The following ZNF462 variants were observed in gnomAD, a reference collection of about 807,000 sequenced individuals.
ZNF462 encodes zinc finger protein 462.
In ZNF462, 10 loss-of-function variants were observed where a neutral mutation model predicts 201.9. That is an observed-to-expected ratio of 0.05 (90% CI 0.03 to 0.08). The LOEUF (loss-of-function observed/expected upper bound fraction) is 0.08, where lower values mean the gene tolerates loss of function less well. Among genes scored for constraint, ZNF462 ranks in the 10% least tolerant of loss-of-function variants. ZNF462 has a pLI of 1.00. For synonymous variants in ZNF462, 1,227 were observed against 1,193.3 expected (o/e 1.03, Z -0.58); for missense variants, 2,523 against 3,168.3 (o/e 0.80, Z 4.89).
chr9:106,988,551 A>G (rs1409837116), intron 10 of ZNF462, among the ~76,000 whole-genome samples: 3 of 152,082 alleles, frequency 2.0e-5, no homozygotes, highest in Admixed American at 2.0e-4. Flanking sequence ...GAACTTTAGA[A>G]TTGTTCTTTC....
Position 106,972,888 on chromosome 9 carries a change from A to G in ZNF462, c.6695+616A>G, listed in dbSNP as rs1425535754. On this transcript the variant is annotated intron_variant, in intron 8 of 12. Coordinates refer to ENST00000277225, the MANE Select transcript of ZNF462 (RefSeq NM_021224.6). The surrounding 1 kb of genome is among the most constrained non-coding windows in gnomAD (Gnocchi z 4.8). ...AAGAATGGAATGCTTCCTATGATGT[A>G]ATCTAAGCTTCTGCATTTGAATCTC... Among the ~76,000 whole-genome samples, 1 of 152,216 alleles carries G rather than the reference A, an allele frequency of 6.6e-6. No individual in the cohort carries two copies. The highest frequency in any genetic ancestry group is 1.9e-4 in the East Asian group (1 of 5,188).
chr9:106,936,974 T>G (rs1031679905), intron 6 of ZNF462, among the ~76,000 whole-genome samples: 1 of 152,206 alleles, frequency 6.6e-6, no homozygotes, highest in Non-Finnish European at 1.5e-5. Flanking sequence ...TTGACATACC[T>G]TGGAACCTTG....
At chr9:106,864,084 CTCTCTCTCTCTCTCTCTCTCTCT>C (rs1564062599) in intron 1 of ZNF462, among the ~76,000 whole-genome samples, 2,217 of 138,590 alleles carry the variant, frequency 0.016, 109 homozygotes, top group Non-Finnish European at 0.025. Flanking sequence ...CTCTCTCTCT[CTCTCTCTCTCTCTCTCTCTCTCT>C]CTCCCTCTCC....
At chr9:106,863,907 C>T (rs552062495) in intron 1 of ZNF462, among the ~76,000 whole-genome samples, 2 of 152,146 alleles carry the variant, frequency 1.3e-5, no homozygotes, top group African/African-American at 4.8e-5. Flanking sequence ...TCCGTGCGAG[C>T]GGCCCCGACC....
intron 10 of ZNF462, among the ~76,000 whole-genome samples, chr9:106,992,468 T>C (rs1422317917): frequency 6.6e-6 from 1 of 152,116 alleles, no homozygotes; most frequent in Non-Finnish European, 1.5e-5. Flanking sequence ...ACTTGCCATC[T>C]GACCTATCCT....
intron 8 of ZNF462, among the ~76,000 whole-genome samples, chr9:106,973,017 A>G: frequency 6.6e-6 from 1 of 152,128 alleles, no homozygotes; most frequent in East Asian, 1.9e-4. Context: ...CTGTGTCCCT[A>G]TTTTGTTAAC....
intron 6 of ZNF462, among the ~76,000 whole-genome samples, chr9:106,937,671 A>G (rs1830688322): frequency 6.6e-6 from 1 of 152,118 alleles, no homozygotes; most frequent in South Asian, 2.1e-4. Flanking sequence ...CTCTGTAATT[A>G]TTTTTAATAG....
intron 1 of ZNF462, among the ~76,000 whole-genome samples, chr9:106,873,314 C>T (rs765277340): frequency 2.0e-5 from 3 of 152,042 alleles, no homozygotes; most frequent in Non-Finnish European, 2.9e-5. Context: ...AAAAGCAAGA[C>T]ACCATGTAGG....
At chr9:106,863,124 G>T, upstream of ZNF462, 1 of 398,810 alleles carries the variant, frequency 2.5e-6, no homozygotes, top group Non-Finnish European at 4.4e-6. Flanking sequence ...GAGAGAGAGA[G>T]AGGGAGAGAG....
chr9:106,898,655 A>AATTGG (rs1367298011), intron 1 of ZNF462, among the ~76,000 whole-genome samples: 1 of 152,052 alleles, frequency 6.6e-6, no homozygotes, highest in Non-Finnish European at 1.5e-5. Context: ...GATGAATACA[A>AATTGG]ATTGGTGGTG....
rs1829974604 is a variant in ZNF462 at position 107,012,450 on chromosome 9, T to C, written c.*1420T>C. 6.8e-6 allele frequency: 1 copy of C among 146,858 alleles called. No individual in the cohort carries two copies. The highest frequency in any genetic ancestry group is 1.5e-5 in the Non-Finnish European group (1 of 66,650). 9.1% of individuals were successfully genotyped at this position (146,858 alleles called of 1,614,324 possible). ...TACTTTCTTTCTTTCTTTTTTTTTT[T>C]TTTTTTTTTTTTTTAAATCTAGCTG... On this transcript the variant is annotated 3_prime_UTR_variant, in exon 13 of 13. Coordinates refer to ENST00000277225, the MANE Select transcript of ZNF462 (RefSeq NM_021224.6).
At position 106,932,148 on chromosome 9, in the gene ZNF462, T is replaced by C; in HGVS notation, c.6013-298T>C. ...GCTGGAGAGGCAGGGGAGGAAGCTT[T>C]GACAAGAAGTGCTGTTGAGTTTGGG... is the stretch of plus-strand genomic sequence containing the variant. On this transcript the variant is annotated intron_variant, in intron 4 of 12. Coordinates refer to ENST00000277225, the MANE Select transcript of ZNF462 (RefSeq NM_021224.6). This position sits in a 1 kb window ranked among gnomAD's most constrained non-coding sequence, Gnocchi z 6.8. The C allele has an allele frequency of 6.9e-7, 1 of 1,455,168 alleles. No individual in the cohort carries two copies. Among genetic ancestry groups the C allele is most frequent in the South Asian group, 1.4e-5 (1 of 71,920 alleles). The allele number at this position is 1,455,168 out of a possible 1,614,324, so 90.1% of individuals were successfully genotyped here. A position where few individuals can be genotyped will look rare whatever the true frequency, so the allele number is the denominator to read the frequency against.
intron 1 of ZNF462, among the ~76,000 whole-genome samples, chr9:106,899,585 A>T (rs1298091206): frequency 6.6e-6 from 1 of 152,218 alleles, no homozygotes; most frequent in Non-Finnish European, 1.5e-5. Context: ...AGACTTAACT[A>T]TGTGAACATC....
At chr9:106,957,894 T>G (rs1304142388) in intron 7 of ZNF462, among the ~76,000 whole-genome samples, 1 of 152,018 alleles carries the variant, frequency 6.6e-6, no homozygotes, top group Non-Finnish European at 1.5e-5. Context: ...TATTATTAAT[T>G]TTTGCACATG....
chr9:106,932,493 C>G lies in ZNF462; in HGVS notation c.6060C>G (p.Thr2020=), dbSNP rs768645462. 12 of 1,614,232 alleles carry G rather than the reference C, an allele frequency of 7.4e-6. No individual in the cohort carries two copies. In the East Asian group the frequency reaches 2.7e-4, roughly 36 times the overall value. Residue 2020 remains threonine, a synonymous_variant, in exon 5 of 13, where the codon ACC becomes ACG. Transcript: ENST00000277225. This position sits in a 1 kb window ranked among gnomAD's most constrained non-coding sequence, Gnocchi z 6.8. ...ERSHLALAMF[T]REDKYSCQYC... ...GCCACCTGGCCCTGGCCATGTTTAC[C>G]CGCGAGGACAAGTACAGCTGCCAGT... is the stretch of plus-strand genomic sequence containing the variant.
chr9:106,995,404 A>AC lies in ZNF462; in HGVS notation c.7057-7890_7057-7889insC, dbSNP rs1828629741. On this transcript the variant is annotated intron_variant, in intron 10 of 12. Transcript: ENST00000277225. ...GGAAAGGATGCTACTGTTCTATCCC[A>AC]TCACATTTTGCAACATAACGTTATT... 3.3e-5 allele frequency: 5 copies of AC among 152,256 alleles called. No homozygotes were observed. In the South Asian group the frequency reaches 1.0e-3, roughly 32 times the overall value. The allele number at this position is 152,256 out of a possible 1,614,324, so 9.4% of individuals were successfully genotyped here. A position where few individuals can be genotyped will look rare whatever the true frequency, so the allele number is the denominator to read the frequency against.
chr9:106,987,030 TA>T (rs1564154251), intron 10 of ZNF462, among the ~76,000 whole-genome samples: 2 of 149,692 alleles, frequency 1.3e-5, no homozygotes, highest in African/African-American at 2.4e-5. Flanking sequence ...GATAGATAGA[TA>T]GATAGATATC....
At chr9:106,922,470 A>T (rs1830028206) in intron 1 of ZNF462, among the ~76,000 whole-genome samples, 1 of 152,178 alleles carries the variant, frequency 6.6e-6, no homozygotes, top group South Asian at 2.1e-4. Context: ...GCATCCAGGT[A>T]TGTGCTTCAT....
chr9:106,875,951 TAGAG>T (rs1827813353), intron 1 of ZNF462, among the ~76,000 whole-genome samples: 2 of 152,334 alleles, frequency 1.3e-5, no homozygotes, highest in South Asian at 2.1e-4. Flanking sequence ...TCTCTATACA[TAGAG>T]AAAGATAGAT....
Sources: gnomAD v4.1 joint callset for allele counts (sites outside exome capture counted in the v4.1 genomes callset) on GRCh38, gnomAD v4.1.1 for gene constraint, Gnocchi (gnomAD v3.1) non-coding constraint, MANE v1.5 for transcripts, NCBI Gene and HGNC (gene_info 2026-07-23, HGNC 2026-07-21) for gene names.